Variants in GRAMD2B observed in about 807,000 individuals in gnomAD.
GRAMD2B encodes the protein GRAM domain-containing protein 2B.
Under a neutral mutation model 59.2 loss-of-function variants are expected in GRAMD2B, and 41 were observed. The observed-to-expected ratio is 0.69, with a 90% confidence interval of 0.54 to 0.90. The LOEUF is 0.90. GRAMD2B is among the 40% of genes least tolerant of loss of function. The pLI, the probability that GRAMD2B is intolerant of heterozygous loss-of-function variation, is 0.00. For missense variants in GRAMD2B, 424 were observed against 500.5 expected, an observed-to-expected ratio of 0.85 and a Z score of 1.46; for synonymous variants, 161 against 182.7, an observed-to-expected ratio of 0.88 and a Z score of 0.96.
At chr5:126,372,947 A>G (rs182233091) in intron 1 of GRAMD2B, among the ~76,000 whole-genome samples, 230 of 152,312 alleles carry the variant, frequency 1.5e-3, no homozygotes, top group African/African-American at 5.1e-3. Flanking sequence ...ATTAAAACAA[A>G]TACAAAATAC....
chr5:126,422,496 G>A (rs1024908646), upstream of GRAMD2B, among the ~76,000 whole-genome samples: 11 of 152,178 alleles, frequency 7.2e-5, no homozygotes, highest in Admixed American at 4.6e-4. Flanking sequence ...ACCGTGCCTG[G>A]CCCCTGCACA....
intron 1 of GRAMD2B, among the ~76,000 whole-genome samples, chr5:126,379,348 T>C (rs1310744318): frequency 6.6e-6 from 1 of 152,170 alleles, no homozygotes; most frequent in African/African-American, 2.4e-5. Flanking sequence ...CAATTGTGAA[T>C]TGTGTTGCTA....
intron 1 of GRAMD2B, among the ~76,000 whole-genome samples, chr5:126,404,998 G>C (rs1215409567): frequency 6.6e-6 from 1 of 151,934 alleles, no homozygotes; most frequent in Non-Finnish European, 1.5e-5. Flanking sequence ...GAGAGGTCAA[G>C]TTACTTACTC....
rs1489297726 is a variant in GRAMD2B at position 126,478,270 on chromosome 5, T to C, written c.582+483T>C. On this transcript the variant is annotated intron_variant, in intron 6 of 13. Coordinates refer to ENST00000285689, the MANE Select transcript of GRAMD2B (RefSeq NM_023927.4). ...CTGGGCAACATGGTGAAACCCCGTC[T>C]CTACAAAAAATATAAAAATTAGCCA... Among the ~76,000 whole-genome samples the C allele has an allele frequency of 6.0e-5, 9 of 150,404 alleles. 1 individual carries two copies. The highest frequency in any genetic ancestry group is 6.0e-4 in the Admixed American group (9 of 15,070).
At chr5:126,433,794 G>A (rs1182154665) in intron 1 of GRAMD2B, 2 of 152,230 alleles carry the variant, frequency 1.3e-5, no homozygotes, top group Non-Finnish European at 2.9e-5. Context: ...TGACTGATGT[G>A]TTTTAAAAGC....
chr5:126,365,429 G>A (rs1312117740), intron 1 of GRAMD2B, among the ~76,000 whole-genome samples: 1 of 152,178 alleles, frequency 6.6e-6, no homozygotes, highest in Non-Finnish European at 1.5e-5. Flanking sequence ...TAACCACTAT[G>A]CAATTTGACA....
chr5:126,470,838 G>T (rs778695080), intron 3 of GRAMD2B, among the ~76,000 whole-genome samples: 5 of 152,120 alleles, frequency 3.3e-5, no homozygotes, highest in African/African-American at 4.8e-5. Context: ...GTGATTACGA[G>T]CATGAGCCAC....
At chr5:126,372,267 C>T (rs1300823856) in intron 1 of GRAMD2B, among the ~76,000 whole-genome samples, 1 of 152,140 alleles carries the variant, frequency 6.6e-6, no homozygotes, top group African/African-American at 2.4e-5. Context: ...GTGGAAATCA[C>T]ATATTCAAAA....
rs946308642 is a variant in GRAMD2B, at chr5:126,465,369, C to T, written c.84-57C>T. On this transcript the variant is annotated intron_variant, in intron 1 of 13. Transcript: ENST00000285689. ...GAAAACCATGTTACTTCATCGTTTT[C>T]CTTCCAGCTACCTCTCTCTGAATGT... The T allele has an allele frequency of 3.7e-6, 6 of 1,607,572 alleles. No individual in the cohort carries two copies. The African/African-American group carries it at 8.1e-5, about 22-fold the overall frequency.
chr5:126,419,840 A>G (rs577228532), upstream of GRAMD2B, among the ~76,000 whole-genome samples: 1 of 152,208 alleles, frequency 6.6e-6, no homozygotes, highest in South Asian at 2.1e-4. Flanking sequence ...GCAGATCACC[A>G]GGTCAGGAGT....
chr5:126,369,845 G>A (rs756008366), upstream of GRAMD2B, among the ~76,000 whole-genome samples: 1 of 152,214 alleles, frequency 6.6e-6, no homozygotes, highest in Non-Finnish European at 1.5e-5. Flanking sequence ...ATCTGTGCCA[G>A]TAAGAGTTGT....
At chr5:126,465,260 G>A (rs1472068206) in intron 1 of GRAMD2B, 166 bp from the exon 2 acceptor site, 1 of 1,459,730 alleles carries the variant, frequency 6.9e-7, no homozygotes, top group Admixed American at 2.7e-5. Context: ...ACCAGGCAAG[G>A]GGTTAGAATG....
intron 1 of GRAMD2B, chr5:126,445,366 C>A (rs1419430208): frequency 1.1e-4 from 17 of 152,130 alleles, no homozygotes; most frequent in Admixed American, 1.1e-3. Context: ...TCTGTTTTTT[C>A]TTCACTTTTT....
intron 1 of GRAMD2B, among the ~76,000 whole-genome samples, chr5:126,452,333 A>G (rs73334483): frequency 2.6e-3 from 401 of 152,134 alleles, no homozygotes; most frequent in African/African-American, 9.0e-3. Flanking sequence ...TCATAATCTA[A>G]TCACCTCCCA....
At position 126,483,658 on chromosome 5, in the gene GRAMD2B, G is replaced by T. The variant is rs898445999; in HGVS notation, c.847+84G>T. On this transcript the variant is annotated intron_variant, in intron 9 of 13. Transcript: ENST00000285689. Reference sequence around the variant, plus strand: ...CACCCCCTTAAAAAAAAAAAGAAAAGAAAAGAAAGAAAAAAACCCACATTG... The same window carrying T: ...CACCCCCTTAAAAAAAAAAAGAAAATAAAAGAAAGAAAAAAACCCACATTG... 5 of 672,800 alleles carry T rather than the reference G, an allele frequency of 7.4e-6. No individual in the cohort carries two copies. The Admixed American group carries it at 9.5e-5, about 13-fold the overall frequency. 41.7% of individuals were successfully genotyped at this position (672,800 alleles called of 1,614,324 possible). A position where few individuals can be genotyped will look rare whatever the true frequency, so the allele number is the denominator to read the frequency against.
chr5:126,451,688 G>A (rs1273381222), intron 1 of GRAMD2B, among the ~76,000 whole-genome samples: 2 of 152,122 alleles, frequency 1.3e-5, no homozygotes, highest in African/African-American at 2.4e-5. Context: ...GACGAGATGT[G>A]GGGGGCCAGC....
chr5:126,447,874 TTA>T (rs1491199097), intron 1 of GRAMD2B, among the ~76,000 whole-genome samples: 2 of 134,818 alleles, frequency 1.5e-5, no homozygotes, highest in African/African-American at 2.6e-5. Context: ...TTTTTTTTTT[TTA>T]AAAAATAGTC....
rs55680418 is a variant in GRAMD2B, at chr5:126,386,537, T to A, written c.125+14970T>A. On this transcript the variant is annotated intron_variant, in intron 1 of 8. Coordinates refer to the GRAMD2B transcript ENST00000506445. ...TCAGGGACTTTCATGAGGTGGACAA[T>A]CCAAGGCTGAGAATACCAAGAAGGG... Among the ~76,000 whole-genome samples the A allele has an allele frequency of 1.1e-3, 170 of 152,270 alleles. 2 individuals are homozygous for A. Among genetic ancestry groups the A allele is most frequent in the African/African-American group, 3.9e-3 (164 of 41,566 alleles).
chr5:126,366,031 T>C (rs1754422261), intron 1 of GRAMD2B, among the ~76,000 whole-genome samples: 1 of 152,206 alleles, frequency 6.6e-6, no homozygotes, highest in Non-Finnish European at 1.5e-5. Context: ...CTTTCTAATC[T>C]TCTGGGGGCA....
Sources: gnomAD v4.1 joint callset for allele counts (sites outside exome capture counted in the v4.1 genomes callset) on GRCh38, gnomAD v4.1.1 for gene constraint, MANE v1.5 for transcripts, NCBI Gene and HGNC (gene_info 2026-07-23, HGNC 2026-07-21) for gene names.